Variants in HMGB1 observed in about 807,000 individuals in gnomAD.
The protein encoded by HMGB1 is high mobility group protein B1.
For missense variants in HMGB1, 79 were observed against 253.5 expected (o/e 0.31, Z 4.67); for synonymous variants, 81 against 84.0 (o/e 0.96, Z 0.19).
chr13:30,601,377 C>T (rs992725659), intron 1 of HMGB1, among the ~76,000 whole-genome samples: 3 of 152,186 alleles, frequency 2.0e-5, no homozygotes, highest in Non-Finnish European at 4.4e-5. Flanking sequence ...AGAAACCCTA[C>T]CTGGTTCTGT....
intron 1 of HMGB1, among the ~76,000 whole-genome samples, chr13:30,527,012 G>T (rs922029021): frequency 2.6e-5 from 4 of 152,170 alleles, no homozygotes; most frequent in African/African-American, 9.7e-5. Flanking sequence ...AGCTACGCAG[G>T]CTCCTTGGCC....
intron 1 of HMGB1, among the ~76,000 whole-genome samples, chr13:30,562,671 T>C (rs1280099936): frequency 6.6e-6 from 1 of 152,194 alleles, no homozygotes; most frequent in Non-Finnish European, 1.5e-5. Context: ...GGGCTACGAA[T>C]CTAAGAGGTA....
At chr13:30,500,264 A>C (rs1320801678) in intron 1 of HMGB1, among the ~76,000 whole-genome samples, 1 of 152,218 alleles carries the variant, frequency 6.6e-6, no homozygotes, top group African/African-American at 2.4e-5. Flanking sequence ...CTGAACCATA[A>C]GTCAAATAAA....
At chr13:30,488,631 G>C in intron 1 of HMGB1, among the ~76,000 whole-genome samples, 1 of 148,710 alleles carries the variant, frequency 6.7e-6, no homozygotes, top group East Asian at 1.9e-4. Flanking sequence ...CTACAAGCCT[G>C]GCTAATTTTT....
At chr13:30,505,047 T>C (rs12861824) in intron 1 of HMGB1, among the ~76,000 whole-genome samples, 38,036 of 151,662 alleles carry the variant, frequency 0.25, 5,049 homozygotes, top group Non-Finnish European at 0.29. Flanking sequence ...CTCGGCTCAC[T>C]GCAACCTCTG....
chr13:30,595,885 C>A (rs1871584250), intron 1 of HMGB1, among the ~76,000 whole-genome samples: 1 of 152,176 alleles, frequency 6.6e-6, no homozygotes, highest in Non-Finnish European at 1.5e-5. Flanking sequence ...CATGACCTAG[C>A]CTCAAAAGTG....
chr13:30,500,536 ATTTTTTTTTT>A (rs60691018), intron 1 of HMGB1, among the ~76,000 whole-genome samples: 14 of 128,440 alleles, frequency 1.1e-4, no homozygotes, highest in Admixed American at 1.5e-4. Flanking sequence ...CACCTGGCTA[ATTTTTTTTTT>A]TTTTTTTTTT....
chr13:30,518,777 C>T (rs1888156898), intron 1 of HMGB1, among the ~76,000 whole-genome samples: 1 of 148,922 alleles, frequency 6.7e-6, no homozygotes, highest in Non-Finnish European at 1.5e-5. Context: ...ACAAGCATGG[C>T]TCACTGCAGC....
intron 1 of HMGB1, among the ~76,000 whole-genome samples, chr13:30,531,557 T>TGTGTGTGTGTGTG (rs1173116230): frequency 2.1e-5 from 3 of 144,748 alleles, no homozygotes; most frequent in African/African-American, 7.8e-5. Context: ...TGTGTGTGTG[T>TGTGTGTGTGTGTG]TTTCAGCGAA....
At chr13:30,593,483 C>T (rs1213553813) in intron 1 of HMGB1, among the ~76,000 whole-genome samples, 1 of 152,136 alleles carries the variant, frequency 6.6e-6, no homozygotes, top group Non-Finnish European at 1.5e-5. Flanking sequence ...AAGAAAGCCA[C>T]AAAAGTTCAC....
intron 1 of HMGB1, among the ~76,000 whole-genome samples, chr13:30,536,113 A>T (rs1868418317): frequency 6.6e-6 from 1 of 152,246 alleles, no homozygotes; most frequent in Admixed American, 6.5e-5. Context: ...TTCCTTCAGA[A>T]GGGATAGAAA....
intron 1 of HMGB1, among the ~76,000 whole-genome samples, chr13:30,491,471 T>C (rs1593272944): frequency 6.8e-6 from 1 of 146,386 alleles, no homozygotes; most frequent in Admixed American, 6.6e-5. Flanking sequence ...ATAGCCAGCC[T>C]GGGCAACATG....
At chr13:30,461,665 C>T (rs1410945755) in intron 4 of HMGB1, 132 bp from the exon 5 acceptor site, 6 of 1,588,666 alleles carry the variant, frequency 3.8e-6, no homozygotes, top group Non-Finnish European at 3.4e-6. Flanking sequence ...TGTAGATCCA[C>T]AGCAACTCCA....
At chr13:30,523,505 T>C (rs7317541) in intron 1 of HMGB1, among the ~76,000 whole-genome samples, 118,075 of 151,924 alleles carry the variant, frequency 0.78, 46,560 homozygotes, top group Non-Finnish European at 0.84. Flanking sequence ...GCATGTGGTA[T>C]ATCTATCTAC....
intron 1 of HMGB1, chr13:30,464,587 C>T: frequency 3.0e-6 from 3 of 984,160 alleles, no homozygotes; most frequent in Non-Finnish European, 3.6e-6. Context: ...GCCCGCGCCG[C>T]CGCCGCCCCC....
intron 1 of HMGB1, among the ~76,000 whole-genome samples, chr13:30,569,883 C>T (rs965442640): frequency 6.6e-6 from 1 of 152,192 alleles, no homozygotes; most frequent in Non-Finnish European, 1.5e-5. Flanking sequence ...GTTCATGAGG[C>T]TAGAGGTCGT....
intron 1 of HMGB1, among the ~76,000 whole-genome samples, chr13:30,563,101 T>A (rs1300024107): frequency 6.6e-6 from 1 of 152,220 alleles, no homozygotes; most frequent in Non-Finnish European, 1.5e-5. Flanking sequence ...ACAGCAGGAA[T>A]TACAACCAGT....
intron 1 of HMGB1, among the ~76,000 whole-genome samples, chr13:30,552,149 A>G (rs553251758): frequency 1.2e-4 from 19 of 152,146 alleles, no homozygotes; most frequent in Non-Finnish European, 2.4e-4. Flanking sequence ...AAAAGTTGTA[A>G]GATTAGTGCA....
At chr13:30,476,118 C>CTTTTTTTTT (rs71093065) in intron 1 of HMGB1, among the ~76,000 whole-genome samples, 1 of 109,496 alleles carries the variant, frequency 9.1e-6, no homozygotes, top group East Asian at 2.8e-4. Context: ...GTGGCATGTA[C>CTTTTTTTTT]TTTTTTTTTT....
Sources: gnomAD v4.1 joint callset for allele counts (sites outside exome capture counted in the v4.1 genomes callset) on GRCh38, gnomAD v4.1.1 for gene constraint, MANE v1.5 for transcripts, NCBI Gene and HGNC (gene_info 2026-07-23, HGNC 2026-07-21) for gene names.